Variants in PIH1D2 observed in about 807,000 individuals in gnomAD.
PIH1D2 encodes the protein PIH1 domain containing 2, also known as PIH1 domain-containing protein 2.
A neutral mutation model predicts 31.2 loss-of-function variants in PIH1D2; 25 were observed. That is an observed-to-expected ratio of 0.80 (90% CI 0.58 to 1.12). The LOEUF is 1.12. Ranked by LOEUF, PIH1D2 falls within the 50% of genes most tolerant of loss-of-function variation. PIH1D2 has a pLI of 0.00. For missense variants in PIH1D2, 310 were observed against 356.6 expected (o/e 0.87, Z 1.05); for synonymous variants, 116 against 119.9 (o/e 0.97, Z 0.21).
downstream of PIH1D2, among the ~76,000 whole-genome samples, chr11:112,064,842 ATTTTTTT>A (rs11412850): frequency 2.2e-5 from 3 of 134,938 alleles, no homozygotes; most frequent in Non-Finnish European, 4.7e-5. Flanking sequence ...TGGTCTCCAA[ATTTTTTT>A]TTTTTTTTTT....
chr11:112,067,698 A>T (rs1266540176), downstream of PIH1D2: 9 of 119,448 alleles, frequency 7.5e-5, no homozygotes, highest in African/African-American at 3.1e-4. Flanking sequence ...ATATATATAT[A>T]TATATATATA....
Position 112,070,658 on chromosome 11 carries a change from T to C in PIH1D2, c.591A>G (p.Pro197=). 6.2e-7 allele frequency: 1 copy of C among 1,614,142 alleles called. No homozygotes were observed. The highest frequency in any genetic ancestry group is 1.7e-5 in the Admixed American group (1 of 60,022). The change falls in exon 5 of 6, where the codon CCA becomes CCG. Residue 197 remains proline (P), a synonymous_variant. Coordinates refer to ENST00000280350, the MANE Select transcript of PIH1D2 (RefSeq NM_138789.4). ...GCAGTAACAGTTGAGGAAAGTGATC[T>C]GGATTGCTCATAGTACTGCTTCGTA... ...GQIRSSTMSN[P]DHFPQLLLPK... is the part of the protein sequence containing the mutation.
At chr11:112,067,558 G>A (rs1390594319), downstream of PIH1D2, among the ~76,000 whole-genome samples, 2 of 147,488 alleles carry the variant, frequency 1.4e-5, no homozygotes, top group African/African-American at 5.0e-5. Flanking sequence ...CCAGCTACTC[G>A]GGAGGCTGAG....
intron 2 of PIH1D2, 68 bp downstream of exon 2, chr11:112,072,930 G>A: frequency 2.2e-6 from 3 of 1,379,984 alleles, no homozygotes; most frequent in East Asian, 2.4e-5. Context: ...TAAGTGTAAA[G>A]TATTCTCTGG....
rs782556133 is a variant in PIH1D2, at chr11:112,071,649, G to T, written c.287C>A (p.Thr96Lys). ...ATTATTTGTACCTGATATCTCAGTT[G>T]TATCTTCTGGTTTGCCAACAGTTAG... ...VPLTVGKPEDTTEISDAYTVI... is the reference protein window; with the variant it reads ...VPLTVGKPEDKTEISDAYTVI... The change falls in exon 3 of 6, where the codon ACA becomes AAA. Residue 96 changes from threonine (T) to lysine (K), a missense_variant. Thr to Lys is a moderately conservative substitution (Grantham distance 78). Transcript: ENST00000280350. 1.2e-6 allele frequency: 2 copies of T among 1,613,526 alleles called. No individual in the cohort carries two copies. Among genetic ancestry groups the T allele is most frequent in the African/African-American group, 2.7e-5 (2 of 74,906 alleles).
chr11:112,072,924 TGTAAA>T (rs1323395789), intron 2 of PIH1D2, 69 bp downstream of exon 2: 2 of 1,348,572 alleles, frequency 1.5e-6, no homozygotes, highest in Non-Finnish European at 2.0e-6. Flanking sequence ...AATACCTAAG[TGTAAA>T]GTATTCTCTG....
downstream of PIH1D2, among the ~76,000 whole-genome samples, chr11:112,059,330 C>T (rs1029741507): frequency 1.3e-5 from 2 of 151,434 alleles, no homozygotes; most frequent in Non-Finnish European, 2.9e-5. Context: ...AACCAACCTA[C>T]TGCTGCTGAC....
downstream of PIH1D2, chr11:112,062,889 C>A (rs1475916670): frequency 4.2e-6 from 1 of 238,596 alleles, no homozygotes; most frequent in Non-Finnish European, 8.4e-6. Flanking sequence ...CCTGATGAAA[C>A]CTTGAAGTTC....
downstream of PIH1D2, among the ~76,000 whole-genome samples, chr11:112,065,647 GA>G (rs782578184): frequency 3.1e-4 from 46 of 148,574 alleles, no homozygotes; most frequent in African/African-American, 1.0e-3. Context: ...TTGAGGCAAG[GA>G]AAAAAAAACA....
downstream of PIH1D2, among the ~76,000 whole-genome samples, chr11:112,066,400 G>A (rs955211856): frequency 1.3e-5 from 2 of 152,052 alleles, no homozygotes; most frequent in African/African-American, 2.4e-5. Context: ...CAGCACTTTG[G>A]GAGGCCAAGG....
intron 5 of PIH1D2, among the ~76,000 whole-genome samples, chr11:112,069,128 A>G (rs1865034169): frequency 6.6e-6 from 1 of 151,106 alleles, no homozygotes; most frequent in South Asian, 2.1e-4. Context: ...CCTCCTGAAT[A>G]GCTGGGACTA....
Position 112,071,183 on chromosome 11 carries a change from T to C in PIH1D2, c.402A>G (p.Lys134=). The C allele has an allele frequency of 6.2e-7, 1 of 1,613,972 alleles. No homozygotes were observed. Among genetic ancestry groups the C allele is most frequent in the Non-Finnish European group, 8.5e-7 (1 of 1,179,926 alleles). The change falls in exon 4 of 6, where the codon AAA becomes AAG. Residue 134 remains lysine (K), a synonymous_variant. Transcript: ENST00000280350. ...TGAACTGGAATTTCTCCTCAATGCA[T>C]TTCATGGCCATCTGAATTAACTGAT... is the stretch of plus-strand genomic sequence containing the variant. ...KKNQLIQMAM[K]CIEEKFQFTL...
chr11:112,053,294 C>T, the PIH1D2 span, among the ~76,000 whole-genome samples: 65 of 151,976 alleles, frequency 4.3e-4, no homozygotes, highest in Non-Finnish European at 1.3e-4. Flanking sequence ...TGCAGTCCAG[C>T]CTGGGTGATA....
downstream of PIH1D2, chr11:112,061,279 C>T (rs1555183251): frequency 2.7e-5 from 33 of 1,222,934 alleles, 1 homozygote; most frequent in South Asian, 3.1e-4. Flanking sequence ...CCTCAAATAT[C>T]GTGATCCACA....
At position 112,070,427 on chromosome 11, in the gene PIH1D2, T is replaced by G. The variant is rs782504159; in HGVS notation, c.813+9A>C. 19 of 1,611,800 alleles carry G rather than the reference T, an allele frequency of 1.2e-5. No individual in the cohort carries two copies. The East Asian group carries it at 4.0e-4, about 34-fold the overall frequency. On this transcript the variant is annotated intron_variant, in intron 5 of 5. Transcript: ENST00000280350. The stretch of plus-strand genomic sequence containing the variant: ...AATACAAATTTACAGTGTTATCTAT[T>G]CAACTTACCTCAGAAACACTAAGGT...
chr11:112,059,399 G>A (rs1358989762), downstream of PIH1D2, among the ~76,000 whole-genome samples: 1 of 150,982 alleles, frequency 6.6e-6, no homozygotes, highest in Non-Finnish European at 1.5e-5. Context: ...TCAGGGGCAG[G>A]GGCAGCGTTG....
At chr11:112,060,261 C>T (rs955904234), downstream of PIH1D2, among the ~76,000 whole-genome samples, 4 of 147,368 alleles carry the variant, frequency 2.7e-5, no homozygotes, top group Middle Eastern at 0.012. Context: ...TCCTGGGTTA[C>T]GCCATTCTCC....
At chr11:112,061,837 C>T (rs182910020), downstream of PIH1D2, among the ~76,000 whole-genome samples, 10 of 152,288 alleles carry the variant, frequency 6.6e-5, no homozygotes, top group African/African-American at 2.4e-4. Flanking sequence ...CTCACCTCAG[C>T]CTTCCAAAGT....
chr11:112,068,691 G>T (rs1865010399), intron 5 of PIH1D2, among the ~76,000 whole-genome samples: 1 of 152,094 alleles, frequency 6.6e-6, no homozygotes, highest in Admixed American at 6.5e-5. Context: ...GGCTGAGGCA[G>T]GAGAATCGCT....
Sources: gnomAD v4.1 joint callset for allele counts (sites outside exome capture counted in the v4.1 genomes callset) on GRCh38, gnomAD v4.1.1 for gene constraint, MANE v1.5 for transcripts, NCBI Gene and HGNC (gene_info 2026-07-23, HGNC 2026-07-21) for gene names.